Variants in RALGAPA2 observed in about 807,000 individuals in gnomAD.
RALGAPA2 encodes ral GTPase-activating protein subunit alpha-2.
A neutral mutation model predicts 230.4 loss-of-function variants in RALGAPA2; 139 were observed. That is an observed-to-expected ratio of 0.60 (90% CI 0.53 to 0.69). The LOEUF is 0.69. Among genes scored for constraint, RALGAPA2 ranks in the 30% least tolerant of loss-of-function variants. The pLI is 0.00. For missense variants in RALGAPA2, 2,163 were observed against 2,276.0 expected, an observed-to-expected ratio of 0.95 and a Z score of 1.01; for synonymous variants, 847 against 837.8, an observed-to-expected ratio of 1.01 and a Z score of -0.19.
At chr20:20,687,292 G>C (rs1431031479) in intron 1 of RALGAPA2, among the ~76,000 whole-genome samples, 1 of 152,208 alleles carries the variant, frequency 6.6e-6, no homozygotes, top group Non-Finnish European at 1.5e-5. Flanking sequence ...GATATCATTA[G>C]TAATGCACCA....
At chr20:20,550,437 A>G (rs141324955) in intron 23 of RALGAPA2, among the ~76,000 whole-genome samples, 239 of 152,324 alleles carry the variant, frequency 1.6e-3, no homozygotes, top group African/African-American at 5.5e-3. Flanking sequence ...GTTGAATATA[A>G]GCACAGAATG....
Position 20,583,116 on chromosome 20 carries a change from C to G in RALGAPA2, c.2641G>C (p.Val881Leu), listed in dbSNP as rs376634467. 2.9e-4 allele frequency: 467 copies of G among 1,613,594 alleles called. No homozygotes were observed. Among genetic ancestry groups the G allele is most frequent in the Non-Finnish European group, 3.8e-4 (452 of 1,179,736 alleles). Reference protein sequence around the residue: ...EDPELNTPTDVVADADARHWL... With the variant: ...EDPELNTPTDLVADADARHWL... Reference sequence around the variant, plus strand: ...TGACGGGCATCAGCATCAGCCACAACATCTGTGGGAGTATTCAGTTCTGGG... The same window carrying G: ...TGACGGGCATCAGCATCAGCCACAAGATCTGTGGGAGTATTCAGTTCTGGG... Residue 881 changes from valine to leucine, a missense_variant, in exon 20 of 40, where the codon GTT becomes CTT. Val to Leu is a conservative substitution (Grantham distance 32). Transcript: ENST00000202677.
intron 13 of RALGAPA2, among the ~76,000 whole-genome samples, chr20:20,612,021 C>T (rs2065991898): frequency 6.6e-6 from 1 of 152,162 alleles, no homozygotes; most frequent in African/African-American, 2.4e-5. Flanking sequence ...GAGACAAATG[C>T]CATCACTGCA....
chr20:20,478,446 T>A (rs2061698294), intron 36 of RALGAPA2, among the ~76,000 whole-genome samples: 1 of 149,016 alleles, frequency 6.7e-6, no homozygotes, highest in African/African-American at 2.5e-5. Flanking sequence ...AAAACAAACA[T>A]ACAATAAAAA....
chr20:20,399,182 T>C lies in RALGAPA2; in HGVS notation c.5618-2448A>G, dbSNP rs1046415132. Among the ~76,000 whole-genome samples the C allele has an allele frequency of 3.9e-5, 6 of 152,018 alleles. No individual in the cohort carries two copies. The East Asian group carries it at 9.6e-4, about 24-fold the overall frequency. Reference sequence around the variant, plus strand: ...TAACATGATGAAATCCTGTCTCTACTAAAAATACCAAAAAATCAGCTGGGT... The same window carrying C: ...TAACATGATGAAATCCTGTCTCTACCAAAAATACCAAAAAATCAGCTGGGT... On this transcript the variant is annotated intron_variant, in intron 38 of 39. Coordinates refer to ENST00000202677, the MANE Select transcript of RALGAPA2 (RefSeq NM_020343.4).
intron 20 of RALGAPA2, among the ~76,000 whole-genome samples, chr20:20,581,982 A>G (rs959265400): frequency 2.0e-5 from 3 of 152,146 alleles, no homozygotes; most frequent in Admixed American, 6.5e-5. Flanking sequence ...TGCATCCATA[A>G]AAGTCTTGGC....
chr20:20,578,233 A>C (rs2145977100), intron 20 of RALGAPA2, among the ~76,000 whole-genome samples: 1 of 152,278 alleles, frequency 6.6e-6, no homozygotes, highest in East Asian at 1.9e-4. Context: ...TGGTGGCGTA[A>C]GTGACAGAAC....
At chr20:20,686,683 G>A (rs1372278367) in intron 1 of RALGAPA2, among the ~76,000 whole-genome samples, 3 of 152,130 alleles carry the variant, frequency 2.0e-5, no homozygotes, top group Admixed American at 1.3e-4. Flanking sequence ...CCTGGCAAAG[G>A]TCACTAATCC....
rs186625654 is a variant in RALGAPA2 at position 20,583,665 on chromosome 20, G to C, written c.2531-439C>G. On this transcript the variant is annotated intron_variant, in intron 19 of 39. Coordinates refer to ENST00000202677, the MANE Select transcript of RALGAPA2 (RefSeq NM_020343.4). ...TATGCCCCAAGCCTGACAGGTAGAC[G>C]TAGACCTAGGGTGACTCATTCAGGG... is the stretch of plus-strand genomic sequence containing the variant. Among the ~76,000 whole-genome samples the C allele has an allele frequency of 3.9e-5, 6 of 152,232 alleles. No individual in the cohort carries two copies. The East Asian group carries it at 1.2e-3, about 29-fold the overall frequency.
rs1184056703 is a variant in RALGAPA2 at position 20,546,783 on chromosome 20, A to G, written c.3206T>C (p.Leu1069Pro). The change falls in exon 24 of 40, where the codon CTG becomes CCG. Residue 1069 changes from leucine to proline, a missense_variant. Coordinates refer to ENST00000202677, the MANE Select transcript of RALGAPA2 (RefSeq NM_020343.4). ...CAGCATTGAGAAGCCAGGAAAACCC[A>G]GGGAGAAAAAGCGGGGTGGACAGTG... ...IRHCPPRFFS[L>P]GFPGFSMLVG... The G allele has an allele frequency of 6.2e-7, 1 of 1,611,778 alleles. No individual in the cohort carries two copies. Among genetic ancestry groups the G allele is most frequent in the African/African-American group, 1.3e-5 (1 of 74,784 alleles).
intron 17 of RALGAPA2, 41 bp downstream of exon 17, chr20:20,591,136 G>T (rs2065276862): frequency 6.3e-7 from 1 of 1,592,042 alleles, no homozygotes. Flanking sequence ...TCCTCTGCCA[G>T]AATCTATAGT....
chr20:20,395,873 A>C (rs2059703601), intron 39 of RALGAPA2, among the ~76,000 whole-genome samples: 2 of 152,136 alleles, frequency 1.3e-5, no homozygotes, highest in Admixed American at 1.3e-4. Context: ...CTTGCATTCC[A>C]CTGTGGGCGA....
At chr20:20,429,586 A>T (rs977947261) in intron 37 of RALGAPA2, among the ~76,000 whole-genome samples, 1 of 152,248 alleles carries the variant, frequency 6.6e-6, no homozygotes, top group Non-Finnish European at 1.5e-5. Flanking sequence ...ATTTACACAA[A>T]AAATTATCTT....
chr20:20,414,283 G>A (rs571547753), intron 37 of RALGAPA2, among the ~76,000 whole-genome samples: 4 of 152,296 alleles, frequency 2.6e-5, no homozygotes, highest in African/African-American at 9.6e-5. Flanking sequence ...GAGCAAGCAC[G>A]TCCCTCTAAA....
intron 34 of RALGAPA2, chr20:20,504,847 G>A: frequency 2.9e-6 from 1 of 342,426 alleles, no homozygotes; most frequent in Non-Finnish European, 4.1e-6. Flanking sequence ...GTTTTTTGGG[G>A]AAAGGTGTGT....
chr20:20,476,674 AAAATAAATAAAT>A (rs557603048), intron 36 of RALGAPA2, among the ~76,000 whole-genome samples: 1,487 of 139,448 alleles, frequency 0.011, 18 homozygotes, highest in African/African-American at 0.031. Context: ...CATAAATCAT[AAAATAAATAAAT>A]AAATAAATAA....
chr20:20,442,354 A>G (rs2060757411), intron 37 of RALGAPA2, among the ~76,000 whole-genome samples: 1 of 152,242 alleles, frequency 6.6e-6, no homozygotes, highest in Admixed American at 6.5e-5. Flanking sequence ...GCCATGAGGC[A>G]TCTTCACTCC....
intron 4 of RALGAPA2, among the ~76,000 whole-genome samples, chr20:20,644,941 G>C (rs2067157970): frequency 6.6e-6 from 1 of 152,146 alleles, no homozygotes; most frequent in Admixed American, 6.5e-5. Flanking sequence ...GAGACCTAAT[G>C]ATAAAGTCTG....
intron 37 of RALGAPA2, among the ~76,000 whole-genome samples, chr20:20,416,581 T>C (rs183922580): frequency 6.0e-4 from 91 of 152,356 alleles, no homozygotes; most frequent in African/African-American, 2.0e-3. Flanking sequence ...GACTTAAATA[T>C]ACGTGAGCTA....
Sources: gnomAD v4.1 joint callset for allele counts (sites outside exome capture counted in the v4.1 genomes callset) on GRCh38, gnomAD v4.1.1 for gene constraint, MANE v1.5 for transcripts, NCBI Gene and HGNC (gene_info 2026-07-23, HGNC 2026-07-21) for gene names.